Variants in GPR158 observed in about 807,000 individuals in gnomAD.
GPR158 encodes metabotropic glycine receptor.
In GPR158, 30 loss-of-function variants were observed where a neutral mutation model predicts 78.2. The ratio of observed to expected loss-of-function variants is 0.38; its 90% CI spans 0.29 to 0.52. The LOEUF (loss-of-function observed/expected upper bound fraction) is 0.52. Ranked by LOEUF, GPR158 falls within the 20% of genes least tolerant of loss-of-function variation. GPR158 has a pLI of 0.83. For synonymous variants in GPR158, 581 were observed against 591.1 expected (o/e 0.98, Z 0.25); for missense variants, 1,463 against 1,523.5 (o/e 0.96, Z 0.66).
intron 3 of GPR158, among the ~76,000 whole-genome samples, chr10:25,403,451 G>A (rs1296829565): frequency 6.6e-6 from 1 of 151,926 alleles, no homozygotes; most frequent in Admixed American, 6.6e-5. Context: ...AAACTAAACA[G>A]CTGCTACTGC....
At chr10:25,234,079 T>C (rs992821140) in intron 2 of GPR158, among the ~76,000 whole-genome samples, 1 of 152,190 alleles carries the variant, frequency 6.6e-6, no homozygotes, top group Non-Finnish European at 1.5e-5. Context: ...TCAAAGCTCT[T>C]TGGGATACTC....
At chr10:25,399,133 G>A (rs988443160) in intron 3 of GPR158, among the ~76,000 whole-genome samples, 2 of 152,190 alleles carry the variant, frequency 1.3e-5, no homozygotes, top group Admixed American at 1.3e-4. Context: ...TTCACAGGGT[G>A]GCAGGAGAAA....
intron 2 of GPR158, among the ~76,000 whole-genome samples, chr10:25,226,672 G>C (rs1471137119): frequency 6.6e-6 from 1 of 152,122 alleles, no homozygotes; most frequent in African/African-American, 2.4e-5. Flanking sequence ...TTACTAGTGT[G>C]AAATGTGGTT....
At chr10:25,261,052 C>T (rs1489668735) in intron 2 of GPR158, among the ~76,000 whole-genome samples, 4 of 152,118 alleles carry the variant, frequency 2.6e-5, no homozygotes, top group African/African-American at 9.7e-5. Flanking sequence ...AGCTGTCCTA[C>T]CTGATCATGA....
chr10:25,182,634 G>A (rs2130629973), intron 1 of GPR158, among the ~76,000 whole-genome samples: 1 of 152,268 alleles, frequency 6.6e-6, no homozygotes, highest in Admixed American at 6.5e-5. Context: ...TAAGCCAAAT[G>A]TTACTTTCAA....
At chr10:25,316,156 A>G (rs770098865) in intron 2 of GPR158, among the ~76,000 whole-genome samples, 8 of 152,132 alleles carry the variant, frequency 5.3e-5, no homozygotes, top group Non-Finnish European at 1.2e-4. Flanking sequence ...TGAGGCCTCA[A>G]AGATTTTTCT....
At chr10:25,383,776 C>T (rs1200109691) in intron 2 of GPR158, among the ~76,000 whole-genome samples, 1 of 152,102 alleles carries the variant, frequency 6.6e-6, no homozygotes, top group Non-Finnish European at 1.5e-5. Flanking sequence ...TTGAAACAAT[C>T]AAAAGAGACT....
Position 25,195,197 on chromosome 10 carries a change from TTTTC to T in GPR158, c.902+18891_902+18894del, listed in dbSNP as rs752712983. Among the ~76,000 whole-genome samples, 10 of 151,424 alleles carry T rather than the reference TTTTC, an allele frequency of 6.6e-5. 1 individual carries two copies. The highest frequency in any genetic ancestry group is 2.1e-4 in the South Asian group (1 of 4,814). ...AGTCATTTTATTTCTAAGATCAACT[TTTTC>T]TTTCTTTCTTTCTTTTTTTTTTGAG... On this transcript the variant is annotated intron_variant, in intron 1 of 10. Coordinates refer to ENST00000376351, the MANE Select transcript of GPR158 (RefSeq NM_020752.3).
At chr10:25,492,668 C>G (rs1408986944) in intron 5 of GPR158, among the ~76,000 whole-genome samples, 1 of 151,842 alleles carries the variant, frequency 6.6e-6, no homozygotes, top group African/African-American at 2.4e-5. Context: ...TTAATGTGAA[C>G]GTGGTCCATG....
At chr10:25,362,296 C>T (rs35781072) in intron 2 of GPR158, among the ~76,000 whole-genome samples, 21,494 of 151,888 alleles carry the variant, frequency 0.14, 1,847 homozygotes, top group African/African-American at 0.24. Context: ...GGGCTCTCAT[C>T]CTATTCCATT....
At chr10:25,189,872 G>A (rs867312738) in intron 1 of GPR158, among the ~76,000 whole-genome samples, 1 of 146,772 alleles carries the variant, frequency 6.8e-6, no homozygotes, top group African/African-American at 2.5e-5. Context: ...GTGTGTGTGT[G>A]TATGTGTATG....
intron 2 of GPR158, among the ~76,000 whole-genome samples, chr10:25,347,100 A>G (rs1159316791): frequency 6.6e-6 from 1 of 151,956 alleles, no homozygotes; most frequent in African/African-American, 2.4e-5. Flanking sequence ...TTATGATGTT[A>G]TGGTTCTGTA....
chr10:25,351,593 A>C (rs919324458), intron 2 of GPR158, among the ~76,000 whole-genome samples: 1 of 151,960 alleles, frequency 6.6e-6, no homozygotes, highest in African/African-American at 2.4e-5. Context: ...TCTCTCCTGC[A>C]GTAGCTTTGA....
chr10:25,569,789 A>G (rs1465728699), intron 6 of GPR158, among the ~76,000 whole-genome samples: 1 of 152,182 alleles, frequency 6.6e-6, no homozygotes, highest in African/African-American at 2.4e-5. Flanking sequence ...GCCACATACA[A>G]TATATAATGT....
intron 2 of GPR158, among the ~76,000 whole-genome samples, chr10:25,392,940 A>T (rs577889523): frequency 6.6e-6 from 1 of 152,154 alleles, no homozygotes. Context: ...CAGCAGGATG[A>T]TCTGCTTTTA....
intron 4 of GPR158, among the ~76,000 whole-genome samples, chr10:25,434,679 G>A (rs1834973468): frequency 6.6e-6 from 1 of 152,168 alleles, no homozygotes; most frequent in Non-Finnish European, 1.5e-5. Flanking sequence ...ATAAATATAT[G>A]TAGCACAGTG....
At chr10:25,596,110 C>A (rs994814052) in intron 9 of GPR158, among the ~76,000 whole-genome samples, 1 of 152,010 alleles carries the variant, frequency 6.6e-6, no homozygotes, top group African/African-American at 2.4e-5. Context: ...AATAAAAAAG[C>A]AGGAAATGGA....
intron 6 of GPR158, among the ~76,000 whole-genome samples, chr10:25,556,335 A>T (rs1178999438): frequency 1.3e-5 from 2 of 152,236 alleles, no homozygotes; most frequent in African/African-American, 4.8e-5. Flanking sequence ...TTTAACGTGA[A>T]GCAGTTTCAA....
intron 2 of GPR158, among the ~76,000 whole-genome samples, chr10:25,303,006 C>T (rs1158745155): frequency 2.6e-5 from 4 of 152,084 alleles, no homozygotes; most frequent in Admixed American, 1.3e-4. Context: ...AATCATAATA[C>T]GTGGCATTAG....
Sources: gnomAD v4.1 joint callset for allele counts (sites outside exome capture counted in the v4.1 genomes callset) on GRCh38, gnomAD v4.1.1 for gene constraint, MANE v1.5 for transcripts, NCBI Gene and HGNC (gene_info 2026-07-23, HGNC 2026-07-21) for gene names.